Variants in LMF1 observed in about 807,000 individuals in gnomAD.
The protein encoded by LMF1 is lipase maturation factor 1.
In LMF1, 68 loss-of-function variants were observed where a neutral mutation model predicts 60.6. The ratio of observed to expected loss-of-function variants is 1.12; its 90% CI spans 0.92 to 1.37. LMF1 has a LOEUF of 1.37. LMF1 is among the 40% of genes most tolerant of loss of function. LMF1 has a pLI of 0.00. For missense variants in LMF1, 948 were observed against 767.2 expected (o/e 1.24, Z -2.78); for synonymous variants, 418 against 324.7 (o/e 1.29, Z -3.09).
At chr16:906,308 G>A (rs886590731) in intron 4 of LMF1, among the ~76,000 whole-genome samples, 4 of 152,226 alleles carry the variant, frequency 2.6e-5, no homozygotes, top group African/African-American at 7.2e-5. Flanking sequence ...GATCCTGGGT[G>A]TGTCTGTGAG....
chr16:914,508 T>TCCCCA (rs371676618), intron 3 of LMF1, among the ~76,000 whole-genome samples: 2 of 109,162 alleles, frequency 1.8e-5, no homozygotes, highest in African/African-American at 3.6e-5. Context: ...CCTCCCTCCC[T>TCCCCA]TCCATGACCA....
chr16:875,916 G>A (rs758586002), intron 6 of LMF1, among the ~76,000 whole-genome samples: 6 of 152,190 alleles, frequency 3.9e-5, no homozygotes, highest in Non-Finnish European at 8.8e-5. Flanking sequence ...CCGCATGGCT[G>A]AAGACGGCTC....
At chr16:857,472 T>G (rs1005972859) in intron 10 of LMF1, among the ~76,000 whole-genome samples, 2 of 118,228 alleles carry the variant, frequency 1.7e-5, no homozygotes, top group African/African-American at 3.5e-5. Flanking sequence ...TCGGGACGGG[T>G]GTGAGTGGTG....
rs112130516 is a variant in LMF1 at position 894,967 on chromosome 16, G to T, written c.664-1895C>A. Among the ~76,000 whole-genome samples the T allele has an allele frequency of 9.9e-3, 1,513 of 152,170 alleles. 25 individuals are homozygous for T. The highest frequency in any genetic ancestry group is 0.034 in the African/African-American group (1,424 of 41,530). On this transcript the variant is annotated intron_variant, in intron 4 of 10. Transcript: ENST00000262301. ...TGTCCTGGGCAGGGAGCCCCGGGGC[G>T]GGGTGGGGATGGCCACGAGGGAGGA...
intron 5 of LMF1, among the ~76,000 whole-genome samples, chr16:892,105 G>A (rs912897305): frequency 1.3e-5 from 2 of 152,230 alleles, no homozygotes; most frequent in Non-Finnish European, 2.9e-5. Context: ...ACCCGGAATC[G>A]CAGCAGAGGC....
At chr16:896,615 C>T (rs535770924) in intron 4 of LMF1, among the ~76,000 whole-genome samples, 6 of 152,240 alleles carry the variant, frequency 3.9e-5, no homozygotes, top group South Asian at 4.1e-4. Flanking sequence ...CTCCTCAAGG[C>T]GCTGCCCACA....
At chr16:857,451 T>C (rs887501342) in intron 10 of LMF1, among the ~76,000 whole-genome samples, 1 of 147,078 alleles carries the variant, frequency 6.8e-6, no homozygotes, top group Non-Finnish European at 1.5e-5. Context: ...GGGACGGGTG[T>C]GAGTGGTGTC....
In LMF1 at chr16:897,861, C is replaced by T. The variant is rs2070706987; in HGVS notation, c.664-4789G>A. 2.0e-5 allele frequency among the ~76,000 whole-genome samples: 3 copies of T among 152,342 alleles called. No homozygotes were observed. In the South Asian group the frequency reaches 6.2e-4, roughly 32 times the overall value. On this transcript the variant is annotated intron_variant, in intron 4 of 10. Coordinates refer to ENST00000262301, the MANE Select transcript of LMF1 (RefSeq NM_022773.4). This position sits in a 1 kb window ranked among gnomAD's most constrained non-coding sequence, Gnocchi z 4.3. The stretch of plus-strand genomic sequence containing the variant: ...TGGGATGGTTTCCGCACTTTCTTGC[C>T]CTCATGCAAGAGAGAACTGGCATGG...
At chr16:976,077 T>A (rs1197222252) in intron 1 of LMF1, 1 of 453,852 alleles carries the variant, frequency 2.2e-6, no homozygotes. Context: ...GCAGCCTGAG[T>A]GGGTACAAAC....
At chr16:973,081 G>A (rs144809678), upstream of LMF1, among the ~76,000 whole-genome samples, 1,694 of 152,270 alleles carry the variant, frequency 0.011, 27 homozygotes, top group African/African-American at 0.038. Context: ...GGAGCCGGGC[G>A]CCTGTCATCC....
At chr16:972,807 G>T (rs1405828244), upstream of LMF1, among the ~76,000 whole-genome samples, 2 of 152,248 alleles carry the variant, frequency 1.3e-5, no homozygotes, top group African/African-American at 2.4e-5. Flanking sequence ...CTCCGGCTCT[G>T]CATTTGCCCA....
Position 970,923 on chromosome 16 carries a change from T to A in LMF1, c.58A>T (p.Thr20Ser), listed in dbSNP as rs1241061126. The change falls in exon 1 of 11, where the codon ACT (threonine) becomes TCT (serine). Residue 20 changes from threonine to serine, a missense_variant. Thr to Ser is a moderately conservative substitution (Grantham distance 58). Coordinates refer to ENST00000262301, the MANE Select transcript of LMF1 (RefSeq NM_022773.4). ...TCAGGCTCCGGATCCGAGTACCCAG[T>A]CTTCCGCCTCCTCAGCGACTCCGCG... is the stretch of plus-strand genomic sequence containing the variant. Reference protein sequence around the residue: ...APAESLRRRKTGYSDPEPESP... With the variant: ...APAESLRRRKSGYSDPEPESP... The A allele has an allele frequency of 6.4e-7, 1 of 1,572,020 alleles. No individual in the cohort carries two copies. Among genetic ancestry groups the A allele is most frequent in the Non-Finnish European group, 8.6e-7 (1 of 1,157,202 alleles).
At chr16:959,587 C>G (rs1043393466) in intron 1 of LMF1, among the ~76,000 whole-genome samples, 12 of 152,194 alleles carry the variant, frequency 7.9e-5, no homozygotes, top group African/African-American at 2.9e-4. Flanking sequence ...TCCACACGCA[C>G]GGATGTGAAA....
Position 876,312 on chromosome 16 carries a change from C to T in LMF1, c.897+3258G>A, listed in dbSNP as rs769966350. On this transcript the variant is annotated intron_variant, in intron 6 of 10. Transcript: ENST00000262301. ...CTAGGATGTCCGGAAGAGGCAGTACCGTGGAGACGGAGGGTCGGCGGGGCA... is the reference window on the plus strand; with the variant it reads ...CTAGGATGTCCGGAAGAGGCAGTACTGTGGAGACGGAGGGTCGGCGGGGCA... Among the ~76,000 whole-genome samples, 45 of 151,670 alleles carry T rather than the reference C, an allele frequency of 3.0e-4. 1 individual carries two copies. Among genetic ancestry groups the T allele is most frequent in the Admixed American group, 2.6e-3 (40 of 15,206 alleles).
intron 1 of LMF1, chr16:979,235 T>C: frequency 5.3e-6 from 2 of 380,952 alleles, no homozygotes; most frequent in South Asian, 1.9e-5. Flanking sequence ...GAGGACGAGG[T>C]CATTTTCCTG....
At chr16:891,454 G>C (rs9930455) in intron 5 of LMF1, among the ~76,000 whole-genome samples, 1 of 152,194 alleles carries the variant, frequency 6.6e-6, no homozygotes, top group Non-Finnish European at 1.5e-5. Context: ...AAAGCTGTGC[G>C]GGACGGTCCT....
At chr16:949,512 T>TGACAGAGTCAGCCAAC (rs1555472044) in intron 2 of LMF1, among the ~76,000 whole-genome samples, 6,407 of 49,874 alleles carry the variant, frequency 0.13, 367 homozygotes, top group African/African-American at 0.22. Context: ...TTAGAGACAA[T>TGACAGAGTCAGCCAAC]GACAGAGTCA....
At chr16:916,623 A>G (rs2071286703) in intron 3 of LMF1, among the ~76,000 whole-genome samples, 1 of 152,118 alleles carries the variant, frequency 6.6e-6, no homozygotes, top group African/African-American at 2.4e-5. Context: ...CCACACCCAC[A>G]TGGCCCCGGG....
intron 10 of LMF1, among the ~76,000 whole-genome samples, chr16:862,498 G>C (rs1380427258): frequency 6.6e-6 from 1 of 152,116 alleles, no homozygotes; most frequent in Non-Finnish European, 1.5e-5. Flanking sequence ...AGGGATATTG[G>C]CTTGTAATAT....
Sources: allele counts gnomAD v4.1 joint callset (sites outside exome capture counted in the v4.1 genomes callset), GRCh38; gene constraint gnomAD v4.1.1; non-coding constraint Gnocchi (gnomAD v3.1); transcripts MANE v1.5; gene names NCBI Gene and HGNC (gene_info 2026-07-23, HGNC 2026-07-21).